Variants in ZNF541 observed in about 807,000 individuals in gnomAD.
ZNF541 encodes the protein zinc finger protein 541.
A neutral mutation model predicts 123.5 loss-of-function variants in ZNF541; 23 were observed. The ratio of observed to expected loss-of-function variants is 0.19; its 90% CI spans 0.13 to 0.26. The LOEUF is 0.26. Among genes scored for constraint, ZNF541 ranks in the 10% least tolerant of loss-of-function variants. ZNF541 has a pLI of 1.00. For synonymous variants in ZNF541, 751 were observed against 754.5 expected (o/e 1.00, Z 0.08); for missense variants, 1,612 against 1,789.9 (o/e 0.90, Z 1.79).
chr19:47,550,929 G>A (rs1455204442), intron 3 of ZNF541, among the ~76,000 whole-genome samples: 1 of 152,194 alleles, frequency 6.6e-6, no homozygotes, highest in African/African-American at 2.4e-5. Context: ...GTTCTCAGAT[G>A]CGAGAGTTCC....
chr19:47,541,770 T>G (rs1303300492), intron 5 of ZNF541, among the ~76,000 whole-genome samples: 6 of 152,166 alleles, frequency 3.9e-5, no homozygotes, highest in Admixed American at 3.9e-4. Flanking sequence ...CAAGTGTTAG[T>G]GAGGACATGG....
intron 2 of ZNF541, among the ~76,000 whole-genome samples, chr19:47,567,474 G>A (rs1971310026): frequency 6.6e-6 from 1 of 152,246 alleles, no homozygotes; most frequent in Admixed American, 6.5e-5. Context: ...GGCTAAGCTG[G>A]GTCTCGAACT....
At chr19:47,566,722 G>A (rs1971278248) in intron 2 of ZNF541, among the ~76,000 whole-genome samples, 1 of 150,778 alleles carries the variant, frequency 6.6e-6, no homozygotes, top group Admixed American at 6.7e-5. Context: ...CTCCATCCTG[G>A]TGACAAAGCC....
In ZNF541 at chr19:47,555,469, T is replaced by C. The variant is rs115048343; in HGVS notation, c.307+81A>G. The C allele has an allele frequency of 3.4e-3, 4,735 of 1,381,278 alleles. 144 individuals are homozygous for C. In the African/African-American group the frequency reaches 0.061, roughly 18 times the overall value. The allele number at this position is 1,381,278 out of a possible 1,614,324, so 85.6% of individuals were successfully genotyped here. A position where few individuals can be genotyped will look rare whatever the true frequency, so the allele number is the denominator to read the frequency against. On this transcript the variant is annotated intron_variant, in intron 3 of 16. Transcript: ENST00000391901. Reference sequence around the variant, plus strand: ...AGGAGGGAAAAATTTTCTTAACCAATCCATGCAGAATCAGTCCCTAGCTGG... The same window carrying C: ...AGGAGGGAAAAATTTTCTTAACCAACCCATGCAGAATCAGTCCCTAGCTGG...
At position 47,522,063 on chromosome 19, in the gene ZNF541, G is replaced by A; in HGVS notation, c.3571-69C>T. The A allele has an allele frequency of 2.6e-6, 4 of 1,533,744 alleles. No homozygotes were observed. In the South Asian group the frequency reaches 3.6e-5, roughly 14 times the overall value. ...CCTGGGAGTGTGACCTTGCCATTGG[G>A]CCGGCCGCCTCCTTTGGAAAGCCCT... On this transcript the variant is annotated intron_variant, in intron 14 of 16. Coordinates refer to ENST00000391901, the MANE Select transcript of ZNF541 (RefSeq NM_001277075.3).
chr19:47,532,336 A>C, intron 10 of ZNF541, 66 bp from the exon 11 acceptor site: 1 of 1,526,306 alleles, frequency 6.6e-7, no homozygotes. Context: ...AGTGAAATGG[A>C]GACGCTCTGT....
intron 2 of ZNF541, among the ~76,000 whole-genome samples, chr19:47,564,380 T>C (rs188242786): frequency 1.3e-5 from 2 of 152,338 alleles, no homozygotes; most frequent in East Asian, 3.9e-4. Flanking sequence ...ATACTGAGCT[T>C]CCTTTTATTC....
At position 47,544,651 on chromosome 19, in the gene ZNF541, G is replaced by A; in HGVS notation, c.1878C>T (p.Arg626=). The A allele has an allele frequency of 6.5e-7, 1 of 1,544,498 alleles. No individual in the cohort carries two copies. Among genetic ancestry groups the A allele is most frequent in the Non-Finnish European group, 8.7e-7 (1 of 1,144,854 alleles). The change falls in exon 5 of 17, where the codon CGC becomes CGT. Residue 626 remains arginine (R), a synonymous_variant. Transcript: ENST00000391901. ...GAACCCCGGGTGTGGTTTTTCTCCT[G>A]CGGGCTGGGGAGCCCTCTGCCTCGG... ...GNPEAEGSPA[R]RRKTTPGVPR...
Position 47,539,853 on chromosome 19 carries a change from G to A in ZNF541, c.2648C>T (p.Pro883Leu), listed in dbSNP as rs746790693. 72 of 1,522,268 alleles carry A rather than the reference G, an allele frequency of 4.7e-5. No homozygotes were observed. In the African/African-American group the frequency reaches 4.9e-4, roughly 10 times the overall value. The allele number at this position is 1,522,268 out of a possible 1,614,324, so 94.3% of individuals were successfully genotyped here. ...TTCTGGCCTCAGCACCTGTCTTAGC[G>A]GCTTGCAAAACTCTGTGCCAAACAC... ...PQVFGTEFCK[P>L]LRQVLRPEGD... Residue 883 changes from proline (P) to leucine (L), a missense_variant, in exon 8 of 17, where the codon CCG becomes CTG. Physicochemically the swap from Pro to Leu is moderately conservative, Grantham distance 98. Coordinates refer to ENST00000391901, the MANE Select transcript of ZNF541 (RefSeq NM_001277075.3).
intron 2 of ZNF541, among the ~76,000 whole-genome samples, chr19:47,565,994 T>C (rs2123402638): frequency 6.6e-6 from 1 of 152,208 alleles, no homozygotes; most frequent in South Asian, 2.1e-4. Context: ...CTGGCCAACA[T>C]GGCGAAACCC....
In ZNF541 at chr19:47,521,707, G is replaced by C. The variant is rs557634728; in HGVS notation, c.3712-53C>G. The C allele has an allele frequency of 4.5e-6, 7 of 1,539,578 alleles. No homozygotes were observed. The Admixed American group carries it at 9.9e-5, about 22-fold the overall frequency. ...GGTGCTGACCTGTCCTGCTGTAAGA[G>C]AGACACAGAGCTGGGGGCATACGTG... On this transcript the variant is annotated intron_variant, in intron 15 of 16. Coordinates refer to ENST00000391901, the MANE Select transcript of ZNF541 (RefSeq NM_001277075.3). The surrounding 1 kb of genome is among the most constrained non-coding windows in gnomAD (Gnocchi z 4.2).
intron 2 of ZNF541, among the ~76,000 whole-genome samples, chr19:47,560,302 A>G (rs1159444257): frequency 3.3e-5 from 5 of 152,116 alleles, no homozygotes; most frequent in Non-Finnish European, 7.4e-5. Context: ...TGAGCCAGGC[A>G]TGGTGGCTCA....
At chr19:47,547,727 T>C (rs1053666698) in intron 4 of ZNF541, among the ~76,000 whole-genome samples, 1 of 152,144 alleles carries the variant, frequency 6.6e-6, no homozygotes, top group African/African-American at 2.4e-5. Flanking sequence ...CACTTGCAGG[T>C]CTCCTGGTTT....
intron 2 of ZNF541, among the ~76,000 whole-genome samples, chr19:47,564,780 C>T (rs925920558): frequency 6.6e-6 from 1 of 152,156 alleles, no homozygotes; most frequent in African/African-American, 2.4e-5. Flanking sequence ...AGTGGAACTA[C>T]CATTTGATCC....
chr19:47,525,780 G>T (rs1220344411), intron 14 of ZNF541, among the ~76,000 whole-genome samples: 1 of 152,122 alleles, frequency 6.6e-6, no homozygotes, highest in Non-Finnish European at 1.5e-5. Flanking sequence ...GGGCATGGTG[G>T]TGGCATGTGC....
At chr19:47,567,250 A>AATTTATTT (rs542929615) in intron 2 of ZNF541, among the ~76,000 whole-genome samples, 1 of 151,684 alleles carries the variant, frequency 6.6e-6, no homozygotes, top group African/African-American at 2.4e-5. Context: ...AGTTTAGTTA[A>AATTTATTT]ATTTATTTAT....
chr19:47,537,521 G>A (rs538989449), intron 9 of ZNF541, among the ~76,000 whole-genome samples: 1 of 142,824 alleles, frequency 7.0e-6, no homozygotes, highest in Non-Finnish European at 1.5e-5. Context: ...CCAAGATCAC[G>A]CCACTGCACT....
intron 8 of ZNF541, 119 bp from the exon 9 acceptor site, chr19:47,538,558 A>T (rs576397801): frequency 8.0e-6 from 9 of 1,120,114 alleles, no homozygotes; most frequent in Non-Finnish European, 1.1e-5. Context: ...TAGGAAATGC[A>T]CGCCCGGCAA....
chr19:47,556,621 T>C (rs1460649305), intron 2 of ZNF541, among the ~76,000 whole-genome samples: 1 of 152,066 alleles, frequency 6.6e-6, no homozygotes, highest in East Asian at 1.9e-4. Flanking sequence ...TGTGAAGCAC[T>C]TGAAATGTGG....
Sources: gnomAD v4.1 joint callset for allele counts (sites outside exome capture counted in the v4.1 genomes callset) on GRCh38, gnomAD v4.1.1 for gene constraint, Gnocchi (gnomAD v3.1) non-coding constraint, MANE v1.5 for transcripts, NCBI Gene and HGNC (gene_info 2026-07-23, HGNC 2026-07-21) for gene names.